The following AGAP1 variants were observed in gnomAD, a reference collection of about 807,000 sequenced individuals.
AGAP1 encodes the protein arf-GAP with GTPase, ANK repeat and PH domain-containing protein 1.
Under a neutral mutation model 105.3 loss-of-function variants are expected in AGAP1, and 29 were observed. That is an observed-to-expected ratio of 0.28 (90% confidence interval 0.21 to 0.38). The LOEUF (loss-of-function observed/expected upper bound fraction) is 0.38, where lower values mean the gene tolerates loss of function less well. AGAP1 is among the 10% of genes least tolerant of loss of function. The pLI, the probability that AGAP1 is intolerant of heterozygous loss-of-function variation, is 1.00. For missense variants in AGAP1, 998 were observed against 1,165.1 expected, an observed-to-expected ratio of 0.86 and a Z score of 2.09; for synonymous variants, 509 against 485.9, an observed-to-expected ratio of 1.05 and a Z score of -0.63.
chr2:235,504,625 G>C (rs926819607), intron 1 of AGAP1, among the ~76,000 whole-genome samples: 1 of 152,054 alleles, frequency 6.6e-6, no homozygotes, highest in African/African-American at 2.4e-5. Flanking sequence ...CATTTCTGTC[G>C]GGTGTGTGCT....
chr2:235,558,674 G>A (rs757806482), intron 1 of AGAP1, among the ~76,000 whole-genome samples: 1 of 152,180 alleles, frequency 6.6e-6, no homozygotes, highest in Non-Finnish European at 1.5e-5. Context: ...GATGGGGACT[G>A]CATTCCTCAC....
rs1948028190 is a variant in AGAP1, at chr2:235,663,468, GTTTTCAGATATCTC to G, written c.164-45709_164-45696del. On this transcript the variant is annotated intron_variant, in intron 1 of 17. Transcript: ENST00000304032. This position sits in a 1 kb window ranked among gnomAD's most constrained non-coding sequence, Gnocchi z 5.4. ...AAGTCCCCTGGGCACAGATAAAAGA[GTTTTCAGATATCTC>G]TGCAGCCAAATCCCAAATGGGATGC... Among the ~76,000 whole-genome samples the G allele has an allele frequency of 1.3e-5, 2 of 152,332 alleles. No individual in the cohort carries two copies. The highest frequency in any genetic ancestry group is 4.1e-4 in the South Asian group (2 of 4,828).
chr2:236,031,120 A>G (rs1389129140), intron 13 of AGAP1, among the ~76,000 whole-genome samples: 1 of 152,220 alleles, frequency 6.6e-6, no homozygotes, highest in Non-Finnish European at 1.5e-5. Flanking sequence ...TTAAAATCCA[A>G]AACTGATTAG....
chr2:236,111,092 T>C (rs2059627188), intron 16 of AGAP1, among the ~76,000 whole-genome samples: 1 of 152,180 alleles, frequency 6.6e-6, no homozygotes, highest in Non-Finnish European at 1.5e-5. Context: ...TACCTCTTAA[T>C]AACATCACCT....
At position 235,723,521 on chromosome 2, in the gene AGAP1, T is replaced by A. The variant is rs1055058044; in HGVS notation, c.310+5877T>A. On this transcript the variant is annotated intron_variant, in intron 3 of 17. Transcript: ENST00000304032. This position sits in a 1 kb window ranked among gnomAD's most constrained non-coding sequence, Gnocchi z 6.2. ...TTTTCAGGTTGCAGAACTGAGTCAT[T>A]GCTCTGAGACCCGTTCCCCAGGACA... 6.6e-6 allele frequency among the ~76,000 whole-genome samples: 1 copy of A among 152,162 alleles called. No homozygotes were observed. Among genetic ancestry groups the A allele is most frequent in the Non-Finnish European group, 1.5e-5 (1 of 68,036 alleles).
chr2:235,503,259 C>T (rs1941642510), intron 1 of AGAP1, among the ~76,000 whole-genome samples: 7 of 152,188 alleles, frequency 4.6e-5, no homozygotes, highest in Admixed American at 4.6e-4. Context: ...CTGCCCTTTT[C>T]AGTGGGGGAG....
chr2:235,730,836 G>C (rs746455573), intron 3 of AGAP1, among the ~76,000 whole-genome samples: 6 of 152,056 alleles, frequency 3.9e-5, no homozygotes, highest in Non-Finnish European at 8.8e-5. Context: ...TTACTTATTT[G>C]GTTATGTATT....
intron 1 of AGAP1, among the ~76,000 whole-genome samples, chr2:235,703,731 G>C (rs541773684): frequency 6.6e-6 from 1 of 152,140 alleles, no homozygotes; most frequent in South Asian, 2.1e-4. Flanking sequence ...CAAGTACCTG[G>C]GATTACAGGC....
intron 11 of AGAP1, among the ~76,000 whole-genome samples, chr2:235,917,313 A>C (rs1260383715): frequency 2.0e-5 from 3 of 152,084 alleles, no homozygotes; most frequent in South Asian, 4.1e-4. Context: ...TAAAGTCTCA[A>C]CCATGCTGTT....
rs909593491 is a variant in AGAP1, at chr2:235,620,545, G to C, written c.164-88634G>C. 1.3e-5 allele frequency among the ~76,000 whole-genome samples: 2 copies of C among 152,080 alleles called. No homozygotes were observed. The highest frequency in any genetic ancestry group is 6.5e-5 in the Admixed American group (1 of 15,268). On this transcript the variant is annotated intron_variant, in intron 1 of 17. Coordinates refer to ENST00000304032, the MANE Select transcript of AGAP1 (RefSeq NM_001037131.3). The surrounding 1 kb of genome is among the most constrained non-coding windows in gnomAD (Gnocchi z 4.5). ...TGGGGGCCCTTGCAGCTTGGCCCTCGCATCCTTCAGCCTCACCTCCAGTGT... is the reference window on the plus strand; with the variant it reads ...TGGGGGCCCTTGCAGCTTGGCCCTCCCATCCTTCAGCCTCACCTCCAGTGT...
chr2:235,618,768 G>A (rs901686500), intron 1 of AGAP1, among the ~76,000 whole-genome samples: 1 of 152,092 alleles, frequency 6.6e-6, no homozygotes, highest in Non-Finnish European at 1.5e-5. Context: ...AACCTGGGTG[G>A]GTAGATGTGG....
intron 1 of AGAP1, among the ~76,000 whole-genome samples, chr2:235,646,282 A>AAG (rs1947382600): frequency 6.6e-6 from 1 of 151,842 alleles, no homozygotes; most frequent in Non-Finnish European, 1.5e-5. Context: ...AAAAAAAAAA[A>AAG]AAAAAGGTTG....
rs1381369053 is a variant in AGAP1, at chr2:236,082,278, T to C, written c.2114+32997T>C. On this transcript the variant is annotated intron_variant, in intron 16 of 17. Coordinates refer to ENST00000304032, the MANE Select transcript of AGAP1 (RefSeq NM_001037131.3). This position sits in a 1 kb window ranked among gnomAD's most constrained non-coding sequence, Gnocchi z 4.2. ...TTATAGATGCAGATATTATTTGCACTGCGGTTAATTATGGAGCAATCAAAC... is the reference window on the plus strand; with the variant it reads ...TTATAGATGCAGATATTATTTGCACCGCGGTTAATTATGGAGCAATCAAAC... Among the ~76,000 whole-genome samples, 1 of 152,238 alleles carries C rather than the reference T, an allele frequency of 6.6e-6. No individual in the cohort carries two copies. The highest frequency in any genetic ancestry group is 1.5e-5 in the Non-Finnish European group (1 of 68,044).
In AGAP1 at chr2:236,036,564, A is replaced by C; in HGVS notation, c.1649A>C (p.Gln550Pro). ...CATCCCACACTCTGTGTTTCAGAAC[A>C]AGAAGAAAATTTTGAGTTTATCATT... is the stretch of plus-strand genomic sequence containing the variant. Reference protein sequence around the residue: ...ADGLSGTAEEQEENFEFIIVS... With the variant: ...ADGLSGTAEEPEENFEFIIVS... Residue 550 changes from glutamine (Q) to proline (P), a missense_variant, in exon 14 of 18, where the codon CAA becomes CCA. Gln to Pro is a moderately conservative substitution (Grantham distance 76). Around this residue, in one of 3 missense-constraint regions of AGAP1, gnomAD observed 735 missense variants for 833.4 expected, o/e 0.88. Coordinates refer to ENST00000304032, the MANE Select transcript of AGAP1 (RefSeq NM_001037131.3). The surrounding 1 kb of genome is among the most constrained non-coding windows in gnomAD (Gnocchi z 5.7). 2 of 1,614,024 alleles carry C rather than the reference A, an allele frequency of 1.2e-6. No homozygotes were observed. Among genetic ancestry groups the C allele is most frequent in the South Asian group, 1.1e-5 (1 of 91,078 alleles).
Position 235,691,509 on chromosome 2 carries a change from T to G in AGAP1, c.164-17670T>G, listed in dbSNP as rs1279955712. On this transcript the variant is annotated intron_variant, in intron 1 of 17. Transcript: ENST00000304032. This position sits in a 1 kb window ranked among gnomAD's most constrained non-coding sequence, Gnocchi z 4.4. ...ACATTTAGTCGGATTCTGTGACTGG[T>G]CGTGAGTCCCTCTTCCTCCACACAG... 1.3e-5 allele frequency among the ~76,000 whole-genome samples: 2 copies of G among 152,238 alleles called. No homozygotes were observed. Among genetic ancestry groups the G allele is most frequent in the African/African-American group, 4.8e-5 (2 of 41,460 alleles).
chr2:236,086,256 ACGTGCCCC>A (rs1218271470), intron 16 of AGAP1, among the ~76,000 whole-genome samples: 1 of 152,178 alleles, frequency 6.6e-6, no homozygotes, highest in African/African-American at 2.4e-5. Flanking sequence ...AGTGGTACTA[ACGTGCCCC>A]CCAATTTACT....
chr2:235,730,508 G>A (rs1264311650), intron 3 of AGAP1, among the ~76,000 whole-genome samples: 1 of 148,494 alleles, frequency 6.7e-6, no homozygotes, highest in Non-Finnish European at 1.5e-5. Context: ...ACGAGACAAG[G>A]TCTCACTCTG....
intron 1 of AGAP1, among the ~76,000 whole-genome samples, chr2:235,695,438 C>T (rs1949951338): frequency 6.6e-6 from 1 of 152,218 alleles, no homozygotes; most frequent in African/African-American, 2.4e-5. Flanking sequence ...TTCTTGAAGA[C>T]AGCTTCCTTC....
Position 235,930,302 on chromosome 2 carries a change from C to G in AGAP1, c.1325-463C>G, listed in dbSNP as rs940875620. Among the ~76,000 whole-genome samples the G allele has an allele frequency of 1.3e-5, 2 of 152,148 alleles. No individual in the cohort carries two copies. The highest frequency in any genetic ancestry group is 6.5e-5 in the Admixed American group (1 of 15,282). On this transcript the variant is annotated intron_variant, in intron 11 of 17. Transcript: ENST00000304032. This position sits in a 1 kb window ranked among gnomAD's most constrained non-coding sequence, Gnocchi z 7.9. The stretch of plus-strand genomic sequence containing the variant: ...GTGTTGATCATAAAGTATGGCTTCC[C>G]CATGAAAATAATCCTCTGGCACCAG...
Sources: gnomAD v4.1 joint callset for allele counts (sites outside exome capture counted in the v4.1 genomes callset) on GRCh38, gnomAD v4.1.1 for gene constraint, gnomAD v4.1.1 regional missense constraint, Gnocchi (gnomAD v3.1) non-coding constraint, MANE v1.5 for transcripts, NCBI Gene and HGNC (gene_info 2026-07-23, HGNC 2026-07-21) for gene names.